Variants in USP6NL observed in about 807,000 individuals in gnomAD.
USP6NL encodes USP6 N-terminal-like protein.
A neutral mutation model predicts 61.9 loss-of-function variants in USP6NL; 26 were observed. That is an observed-to-expected ratio of 0.42 (90% CI 0.31 to 0.58). USP6NL has a LOEUF of 0.58. Ranked by LOEUF, USP6NL falls within the 20% of genes least tolerant of loss-of-function variation. USP6NL has a pLI of 0.16. For synonymous variants in USP6NL, 432 were observed against 390.1 expected (o/e 1.11, Z -1.27); for missense variants, 1,114 against 1,034.3 (o/e 1.08, Z -1.06).
chr10:11,473,962 A>G (rs140230765), intron 14 of USP6NL, among the ~76,000 whole-genome samples: 113 of 152,246 alleles, frequency 7.4e-4, no homozygotes, highest in African/African-American at 2.7e-3. Context: ...GGTCTAAGGA[A>G]TCCAGACTAT....
chr10:11,561,655 T>C lies in USP6NL; in HGVS notation c.5-34088A>G, dbSNP rs1419979008. Reference sequence around the variant, plus strand: ...CAGATAAGTTCTACTGGTTTGGGTATTGTAAACAATGCTACAGTGAGGATC... The same window carrying C: ...CAGATAAGTTCTACTGGTTTGGGTACTGTAAACAATGCTACAGTGAGGATC... On this transcript the variant is annotated intron_variant, in intron 2 of 14. Coordinates refer to ENST00000609104, the MANE Select transcript of USP6NL (RefSeq NM_014688.5). The surrounding 1 kb of genome is among the most constrained non-coding windows in gnomAD (Gnocchi z 4.1). Among the ~76,000 whole-genome samples, 1 of 152,248 alleles carries C rather than the reference T, an allele frequency of 6.6e-6. No homozygotes were observed. Among genetic ancestry groups the C allele is most frequent in the Non-Finnish European group, 1.5e-5 (1 of 68,050 alleles).
rs1386886084 is a variant in USP6NL at position 11,462,764 on chromosome 10, A to G, written c.2164T>C (p.Leu722=). Residue 722 remains leucine, a synonymous_variant, in exon 15 of 15, where the codon TTG becomes CTG. Transcript: ENST00000609104. ...AAGTAATCCACTGGTGGAATGATCA[A>G]TTTTCCATTCTTTGGTGACCCTGAA... ...GNSGSPKNGK[L]IIPPVDYLPD... 1.2e-6 allele frequency: 2 copies of G among 1,613,894 alleles called. No homozygotes were observed. Among genetic ancestry groups the G allele is most frequent in the Non-Finnish European group, 1.7e-6 (2 of 1,179,882 alleles).
chr10:11,483,648 A>G (rs1444722536), intron 13 of USP6NL, among the ~76,000 whole-genome samples: 1 of 452 alleles, frequency 2.2e-3, no homozygotes, highest in Non-Finnish European at 4.5e-3. Context: ...GGGGAGGGGG[A>G]GAGGGGGGAG....
rs1276923800 is a variant in USP6NL, at chr10:11,527,547, G to A, written c.25C>T (p.Leu9Phe). 6.8e-6 allele frequency: 11 copies of A among 1,609,572 alleles called. No individual in the cohort carries two copies. The highest frequency in any genetic ancestry group is 9.3e-6 in the Non-Finnish European group (11 of 1,177,896). Reference sequence around the variant, plus strand: ...TCAGCTCGCTCCTGGGCAAGTTTGAGTGCTACATCCTGGTCTGAATCTGTG... The same window carrying A: ...TCAGCTCGCTCCTGGGCAAGTTTGAATGCTACATCCTGGTCTGAATCTGTG... MNSDQDVA[L>F]KLAQERAEIV... The change falls in exon 3 of 15, where the codon CTC (leucine) becomes TTC (phenylalanine). Residue 9 changes from leucine to phenylalanine, a missense_variant. Leu to Phe is a conservative substitution (Grantham distance 22). Transcript: ENST00000609104.
chr10:11,565,919 A>G (rs925567035), intron 2 of USP6NL, among the ~76,000 whole-genome samples: 1 of 139,450 alleles, frequency 7.2e-6, no homozygotes, highest in Non-Finnish European at 1.5e-5. Flanking sequence ...CAATTCAAAT[A>G]TTGAAGATTC....
intron 14 of USP6NL, among the ~76,000 whole-genome samples, chr10:11,475,802 T>A (rs1002139050): frequency 6.6e-6 from 1 of 152,094 alleles, no homozygotes; most frequent in Non-Finnish European, 1.5e-5. Flanking sequence ...GATTTTTTTT[T>A]AATTAAAAAA....
At position 11,490,896 on chromosome 10, in the gene USP6NL, T is replaced by C; in HGVS notation, c.495-16A>G. 1.3e-6 allele frequency: 2 copies of C among 1,522,752 alleles called. No homozygotes were observed. The highest frequency in any genetic ancestry group is 1.8e-6 in the Non-Finnish European group (2 of 1,136,908). 94.3% of individuals were successfully genotyped at this position (1,522,752 alleles called of 1,614,324 possible). On this transcript the variant is annotated splice_polypyrimidine_tract_variant and intron_variant, in intron 8 of 14. Coordinates refer to ENST00000609104, the MANE Select transcript of USP6NL (RefSeq NM_014688.5). This position sits in a 1 kb window ranked among gnomAD's most constrained non-coding sequence, Gnocchi z 4.5. ...GGATTGTTGCCTAGAGAAAAAAATT[T>C]ACATTAAATACAATTTAGTAATTTC...
At chr10:11,584,798 C>T (rs141947566) in intron 2 of USP6NL, among the ~76,000 whole-genome samples, 6 of 151,840 alleles carry the variant, frequency 4.0e-5, no homozygotes, top group African/African-American at 1.5e-4. Flanking sequence ...ATTGGCCAGG[C>T]GTGGTGGAGC....
intron 4 of USP6NL, among the ~76,000 whole-genome samples, chr10:11,524,517 A>C (rs1354762690): frequency 1.3e-5 from 2 of 152,206 alleles, no homozygotes; most frequent in Non-Finnish European, 2.9e-5. Flanking sequence ...TTTTACTCTC[A>C]GAAAAACATA....
In USP6NL at chr10:11,463,351, C is replaced by A; in HGVS notation, c.1577G>T (p.Arg526Leu). 2 of 1,613,960 alleles carry A rather than the reference C, an allele frequency of 1.2e-6. No homozygotes were observed. The highest frequency in any genetic ancestry group is 8.5e-7 in the Non-Finnish European group (1 of 1,179,896). The stretch of plus-strand genomic sequence containing the variant: ...CATCTTTGGCCGCACGTTTGACACC[C>A]GCACCTCGGCAGGACCTGGGACGGT... ...AVTVPGPAEV[R>L]VSNVRPKMKA... The change falls in exon 15 of 15, where the codon CGG becomes CTG. Residue 526 changes from arginine (R) to leucine (L), a missense_variant. Coordinates refer to ENST00000609104, the MANE Select transcript of USP6NL (RefSeq NM_014688.5). The surrounding 1 kb of genome is among the most constrained non-coding windows in gnomAD (Gnocchi z 6.3).
chr10:11,532,080 C>A lies in USP6NL; in HGVS notation c.5-4513G>T. 1 of 885,112 alleles carries A rather than the reference C, an allele frequency of 1.1e-6. No individual in the cohort carries two copies. Among genetic ancestry groups the A allele is most frequent in the Admixed American group, 3.0e-5 (1 of 33,034 alleles). 54.8% of individuals were successfully genotyped at this position (885,112 alleles called of 1,614,324 possible). On this transcript the variant is annotated intron_variant, in intron 2 of 14. Coordinates refer to ENST00000609104, the MANE Select transcript of USP6NL (RefSeq NM_014688.5). The surrounding 1 kb of genome is among the most constrained non-coding windows in gnomAD (Gnocchi z 4.1). ...ATACAAAGTTACTAAGGTTCATTTC[C>A]AATAAAATAAAATTTACAGCAGACC...
chr10:11,573,684 G>A (rs1588401338), intron 2 of USP6NL: 1 of 398,828 alleles, frequency 2.5e-6, no homozygotes, highest in East Asian at 3.6e-5. Context: ...ATCATTGCTA[G>A]TTAACAAGCC....
rs1300072116 is a variant in USP6NL at position 11,597,795 on chromosome 10, ATT to A, written c.-83-80_-83-79del. The A allele has an allele frequency of 5.5e-6, 3 of 544,766 alleles. No homozygotes were observed. The East Asian group carries it at 9.0e-5, about 16-fold the overall frequency. The allele number at this position is 544,766 out of a possible 1,614,324, so 33.7% of individuals were successfully genotyped here. On this transcript the variant is annotated intron_variant, in intron 1 of 14. Coordinates refer to ENST00000609104, the MANE Select transcript of USP6NL (RefSeq NM_014688.5). This position sits in a 1 kb window ranked among gnomAD's most constrained non-coding sequence, Gnocchi z 4.6. ...AAATAAAGTTTTCTTAAAGAAAATC[ATT>A]TTGTTTCAAAAATATTCTACTATTT...
chr10:11,585,594 G>A lies in USP6NL; in HGVS notation c.4+12037C>T, dbSNP rs1245213043. ...CGGGAATGGCGCGAACCCGGGATGC[G>A]GAGCTTTCAGTGAGCCGTGATCAAG... On this transcript the variant is annotated intron_variant, in intron 2 of 14. Coordinates refer to ENST00000609104, the MANE Select transcript of USP6NL (RefSeq NM_014688.5). The surrounding 1 kb of genome is among the most constrained non-coding windows in gnomAD (Gnocchi z 4.5). Among the ~76,000 whole-genome samples the A allele has an allele frequency of 2.0e-5, 3 of 152,048 alleles. No individual in the cohort carries two copies. Among genetic ancestry groups the A allele is most frequent in the Admixed American group, 6.5e-5 (1 of 15,282 alleles).
At chr10:11,477,518 T>G (rs1193521364) in intron 14 of USP6NL, among the ~76,000 whole-genome samples, 1 of 152,152 alleles carries the variant, frequency 6.6e-6, no homozygotes, top group Non-Finnish European at 1.5e-5. Context: ...GGAAACAGTT[T>G]CACAAATATA....
rs1566129340 is a variant in USP6NL, at chr10:11,489,238, GAACA to G, written c.544-20_544-17del. On this transcript the variant is annotated splice_polypyrimidine_tract_variant and intron_variant, in intron 9 of 14. Coordinates refer to ENST00000609104, the MANE Select transcript of USP6NL (RefSeq NM_014688.5). The surrounding 1 kb of genome is among the most constrained non-coding windows in gnomAD (Gnocchi z 5.7). ...ACCCGACTTCCTGGGGAGCAAAGGGGAACACAGAAGCTGGGGAGTTCAGTCGAAT... is the reference window on the plus strand; with the variant it reads ...ACCCGACTTCCTGGGGAGCAAAGGGGCAGAAGCTGGGGAGTTCAGTCGAAT... 1 of 1,610,328 alleles carries G rather than the reference GAACA, an allele frequency of 6.2e-7. No homozygotes were observed. The highest frequency in any genetic ancestry group is 1.7e-5 in the Admixed American group (1 of 59,860).
rs556477494 is a variant in USP6NL at position 11,465,273 on chromosome 10, G to A, written c.1079-1424C>T. Among the ~76,000 whole-genome samples, 1 of 152,306 alleles carries A rather than the reference G, an allele frequency of 6.6e-6. No individual in the cohort carries two copies. Among genetic ancestry groups the A allele is most frequent in the South Asian group, 2.1e-4 (1 of 4,826 alleles). On this transcript the variant is annotated intron_variant, in intron 14 of 14. Transcript: ENST00000609104. This position sits in a 1 kb window ranked among gnomAD's most constrained non-coding sequence, Gnocchi z 4.5. ...GATATTCCATCAGACAGCAATATCAGCCAATCATCAAAACATCCTTTTCAG... is the reference window on the plus strand; with the variant it reads ...GATATTCCATCAGACAGCAATATCAACCAATCATCAAAACATCCTTTTCAG...
Position 11,537,522 on chromosome 10 carries a change from T to C in USP6NL, c.5-9955A>G, listed in dbSNP as rs1020480705. ...TCATTATCAGCACAAATATGATTTATACCTTCCCATTCAAAATATTTCTCG... is the reference window on the plus strand; with the variant it reads ...TCATTATCAGCACAAATATGATTTACACCTTCCCATTCAAAATATTTCTCG... On this transcript the variant is annotated intron_variant, in intron 2 of 14. Coordinates refer to ENST00000609104, the MANE Select transcript of USP6NL (RefSeq NM_014688.5). The surrounding 1 kb of genome is among the most constrained non-coding windows in gnomAD (Gnocchi z 5.1). Among the ~76,000 whole-genome samples, 1 of 152,276 alleles carries C rather than the reference T, an allele frequency of 6.6e-6. No individual in the cohort carries two copies. Among genetic ancestry groups the C allele is most frequent in the Non-Finnish European group, 1.5e-5 (1 of 68,046 alleles).
In USP6NL at chr10:11,537,193, G is replaced by A. The variant is rs981427152; in HGVS notation, c.5-9626C>T. Among the ~76,000 whole-genome samples the A allele has an allele frequency of 3.3e-5, 5 of 150,882 alleles. No individual in the cohort carries two copies. Among genetic ancestry groups the A allele is most frequent in the African/African-American group, 9.7e-5 (4 of 41,146 alleles). On this transcript the variant is annotated intron_variant, in intron 2 of 14. Transcript: ENST00000609104. This position sits in a 1 kb window ranked among gnomAD's most constrained non-coding sequence, Gnocchi z 5.1. Reference sequence around the variant, plus strand: ...TGGCACGATCACAGTTCACTGCAGCGTCAATCTCCCAGGTGATCCTCCCAC... The same window carrying A: ...TGGCACGATCACAGTTCACTGCAGCATCAATCTCCCAGGTGATCCTCCCAC...
Sources: gnomAD v4.1 joint callset for allele counts (sites outside exome capture counted in the v4.1 genomes callset) on GRCh38, gnomAD v4.1.1 for gene constraint, Gnocchi (gnomAD v3.1) non-coding constraint, MANE v1.5 for transcripts, NCBI Gene and HGNC (gene_info 2026-07-23, HGNC 2026-07-21) for gene names.